Variants in MYO18A observed in about 807,000 individuals in gnomAD.
The protein encoded by MYO18A is myosin XVIIIA, also known as unconventional myosin-XVIIIa.
A neutral mutation model predicts 235.8 loss-of-function variants in MYO18A; 78 were observed. That is an observed-to-expected ratio of 0.33 (90% confidence interval 0.28 to 0.40). The LOEUF is 0.40. Ranked by LOEUF, MYO18A falls within the 10% of genes least tolerant of loss-of-function variation. MYO18A has a pLI of 1.00. For synonymous variants in MYO18A, 977 were observed against 1,077.8 expected, an observed-to-expected ratio of 0.91 and a Z score of 1.83; for missense variants, 2,215 against 2,699.3, an observed-to-expected ratio of 0.82 and a Z score of 3.98.
At chr17:29,149,221 C>T (rs1426657511) in intron 2 of MYO18A, among the ~76,000 whole-genome samples, 2 of 152,256 alleles carry the variant, frequency 1.3e-5, no homozygotes, top group Non-Finnish European at 2.9e-5. Context: ...GGGATGAGCT[C>T]GGTGCCCACT....
At chr17:29,096,723 A>G (rs754712095) in intron 28 of MYO18A, 38 bp downstream of exon 28, 1 of 1,545,826 alleles carries the variant, frequency 6.5e-7, no homozygotes, top group Admixed American at 1.9e-5. Flanking sequence ...TGGCTGCTCC[A>G]GAAGGTTCTC....
Position 29,166,585 on chromosome 17 carries a change from T to A in MYO18A, c.356A>T (p.Gln119Leu). Residue 119 changes from glutamine to leucine, a missense_variant, in exon 2 of 42, where the codon CAG becomes CTG. Coordinates refer to ENST00000527372, the MANE Select transcript of MYO18A (RefSeq NM_078471.4). The part of the protein sequence containing the change: ...EEGSFRGSVL[Q>L]RAAKFGSLAK... ...CAGTGAGCCGAACTTGGCTGCCCGC[T>A]GCAGCACCGAGCCACGGAAGCTACC... 6.2e-7 allele frequency: 1 copy of A among 1,613,790 alleles called. No homozygotes were observed. Among genetic ancestry groups the A allele is most frequent in the South Asian group, 1.1e-5 (1 of 91,080 alleles).
chr17:29,114,489 A>AG (rs1301439156), intron 14 of MYO18A, among the ~76,000 whole-genome samples: 2 of 152,226 alleles, frequency 1.3e-5, no homozygotes, highest in African/African-American at 4.8e-5. Context: ...CAGATGAGGC[A>AG]GGATTTCCAG....
At chr17:29,110,159 A>G in intron 18 of MYO18A, 58 bp from the exon 19 acceptor site, 2 of 1,578,228 alleles carry the variant, frequency 1.3e-6, no homozygotes, top group Non-Finnish European at 1.7e-6. Context: ...TCAGAAGAGC[A>G]GGGACTGGTG....
intron 1 of MYO18A, among the ~76,000 whole-genome samples, chr17:29,173,238 A>G (rs2068446129): frequency 1.4e-5 from 2 of 148,102 alleles, no homozygotes. Context: ...AATTACAGGC[A>G]TGCGCCACCA....
intron 21 of MYO18A, among the ~76,000 whole-genome samples, chr17:29,103,259 C>G (rs922994399): frequency 1.3e-5 from 2 of 152,246 alleles, no homozygotes; most frequent in African/African-American, 4.8e-5. Flanking sequence ...GGGTCCAGCC[C>G]TCCTGTCTCC....
chr17:29,098,331 C>A lies in MYO18A; in HGVS notation c.3870+25G>T, dbSNP rs773743091. On this transcript the variant is annotated intron_variant, in intron 24 of 41. Coordinates refer to ENST00000527372, the MANE Select transcript of MYO18A (RefSeq NM_078471.4). Reference sequence around the variant, plus strand: ...GGGTCTCCCTGCAGCCATGCCCAGTCGGTGTGGTGCCAGGAGTCACTCACC... The same window carrying A: ...GGGTCTCCCTGCAGCCATGCCCAGTAGGTGTGGTGCCAGGAGTCACTCACC... 2.5e-6 allele frequency: 4 copies of A among 1,613,214 alleles called. No individual in the cohort carries two copies. In the Admixed American group the frequency reaches 5.0e-5, roughly 20 times the overall value.
rs377220335 is a variant in MYO18A, at chr17:29,080,252, A to C, written c.6020+2064T>G. 168 of 985,952 alleles carry C rather than the reference A, an allele frequency of 1.7e-4. 2 individuals carry two copies. In the East Asian group the frequency reaches 0.012, roughly 73 times the overall value. 61.1% of individuals were successfully genotyped at this position (985,952 alleles called of 1,614,324 possible). On this transcript the variant is annotated intron_variant, in intron 41 of 41. Transcript: ENST00000527372. ...TGGAATGGAACAGGCTTGTAGCTCA[A>C]GACCTCGTTGACGGCAGCCTCCAGG...
intron 13 of MYO18A, 44 bp from the exon 14 acceptor site, chr17:29,115,143 G>T: frequency 6.4e-7 from 1 of 1,565,692 alleles, no homozygotes; most frequent in South Asian, 1.2e-5. Flanking sequence ...GGTTGGCCCC[G>T]GGCACCAGGA....
Position 29,092,874 on chromosome 17 carries a change from A to G in MYO18A, c.5054T>C (p.Ile1685Thr), listed in dbSNP as rs756927641. 6.5e-5 allele frequency: 105 copies of G among 1,613,724 alleles called. No individual in the cohort carries two copies. Among genetic ancestry groups the G allele is most frequent in the Non-Finnish European group, 8.4e-5 (99 of 1,179,882 alleles). The part of the protein sequence containing the change: ...LKNSAPSKRE[I>T]AQLKNQLEES... Reference sequence around the variant, plus strand: ...GGATACCTGGTTCTTGAGCTGGGCAATCTCTCGCTTGCTGGGAGCACTGTT... The same window carrying G: ...GGATACCTGGTTCTTGAGCTGGGCAGTCTCTCGCTTGCTGGGAGCACTGTT... The change falls in exon 33 of 42, where the codon ATT becomes ACT. Residue 1685 changes from isoleucine (I) to threonine (T), a missense_variant. Ile to Thr is a moderately conservative substitution (Grantham distance 89). Transcript: ENST00000527372.
chr17:29,113,133 G>GGAAAA (rs2066974111), intron 15 of MYO18A, among the ~76,000 whole-genome samples: 1 of 152,228 alleles, frequency 6.6e-6, no homozygotes, highest in African/African-American at 2.4e-5. Context: ...CCAGGTGTCA[G>GGAAAA]GAAAAGAAAA....
At chr17:29,113,935 G>T in intron 15 of MYO18A, 76 bp downstream of exon 15, 2 of 1,220,200 alleles carry the variant, frequency 1.6e-6, no homozygotes, top group Non-Finnish European at 2.4e-6. Flanking sequence ...CAGCTCAGAT[G>T]GGGAGGGCTC....
chr17:29,135,194 G>A (rs536760884), intron 2 of MYO18A, among the ~76,000 whole-genome samples: 13 of 151,880 alleles, frequency 8.6e-5, no homozygotes, highest in East Asian at 3.9e-4. Flanking sequence ...TCCGCCTCCC[G>A]GGTTCACGCC....
At position 29,072,517 on chromosome 17, in the gene MYO18A, G is replaced by A. The variant is rs962594972; in HGVS notation, c.*2253C>T. 2.0e-5 allele frequency: 3 copies of A among 152,218 alleles called. No individual in the cohort carries two copies. Among genetic ancestry groups the A allele is most frequent in the Non-Finnish European group, 2.9e-5 (2 of 68,076 alleles). The allele number at this position is 152,218 out of a possible 1,614,324, so 9.4% of individuals were successfully genotyped here. On this transcript the variant is annotated 3_prime_UTR_variant, in exon 42 of 42. Coordinates refer to ENST00000527372, the MANE Select transcript of MYO18A (RefSeq NM_078471.4). ...CATTCCAGCTTGGGCGACATAGCAA[G>A]ACTCTGTCTCCAAAAGACAAGTAAC...
At position 29,083,791 on chromosome 17, in the gene MYO18A, A is replaced by G. The variant is rs536212305; in HGVS notation, c.5898-1353T>C. 2.0e-4 allele frequency among the ~76,000 whole-genome samples: 30 copies of G among 152,182 alleles called. 1 individual carries two copies. In the South Asian group the frequency reaches 6.0e-3, roughly 31 times the overall value. ...GGTGCATGGGCCCCATGGAACACCA[A>G]TACCACCTGATTTATACACCTGTGC... On this transcript the variant is annotated intron_variant, in intron 40 of 41. Transcript: ENST00000527372.
In MYO18A at chr17:29,093,340, C is replaced by T. The variant is rs552073980; in HGVS notation, c.4909G>A (p.Ala1637Thr). 22 of 1,611,666 alleles carry T rather than the reference C, an allele frequency of 1.4e-5. No homozygotes were observed. In the South Asian group the frequency reaches 1.5e-4, roughly 11 times the overall value. The change falls in exon 32 of 42, where the codon GCC becomes ACC. Residue 1637 changes from alanine (A) to threonine (T), a missense_variant. Transcript: ENST00000527372. ...CCCCTGACCTGGTCGCTGAGGGTGGCGAGCTTGCCCTCCAGCTCCCGCTTC... is the reference window on the plus strand; with the variant it reads ...CCCCTGACCTGGTCGCTGAGGGTGGTGAGCTTGCCCTCCAGCTCCCGCTTC... The part of the protein sequence containing the change: ...REKRELEGKL[A>T]TLSDQVNRRD...
At chr17:29,087,576 A>C (rs992423664) in intron 37 of MYO18A, among the ~76,000 whole-genome samples, 35 of 152,152 alleles carry the variant, frequency 2.3e-4, no homozygotes, top group Non-Finnish European at 8.8e-5. Context: ...AGGAGAGACT[A>C]AACAATCATC....
chr17:29,122,079 C>A lies in MYO18A; in HGVS notation c.1087+87G>T. On this transcript the variant is annotated intron_variant, in intron 3 of 41. Coordinates refer to ENST00000527372, the MANE Select transcript of MYO18A (RefSeq NM_078471.4). ...CAGCCTCTCCTTGCTCACTGCTCAG[C>A]CCTCACCAGATGCAGAAGGCACATT... The A allele has an allele frequency of 2.6e-6, 4 of 1,524,746 alleles. No individual in the cohort carries two copies. The South Asian group carries it at 4.6e-5, about 17-fold the overall frequency. The allele number at this position is 1,524,746 out of a possible 1,614,324, so 94.5% of individuals were successfully genotyped here.
At chr17:29,165,606 G>A (rs1438418292) in intron 2 of MYO18A, 2 of 276,510 alleles carry the variant, frequency 7.2e-6, no homozygotes, top group African/African-American at 4.4e-5. Context: ...AAACTGCTCA[G>A]AATTCTACTG....
Sources: allele counts gnomAD v4.1 joint callset (sites outside exome capture counted in the v4.1 genomes callset), GRCh38; gene constraint gnomAD v4.1.1; transcripts MANE v1.5; gene names NCBI Gene and HGNC (gene_info 2026-07-23, HGNC 2026-07-21).